Variants in HM13 observed in about 807,000 individuals in gnomAD.
The protein encoded by HM13 is signal peptide peptidase.
In HM13, 18 loss-of-function variants were observed where a neutral mutation model predicts 50.0. The ratio of observed to expected loss-of-function variants is 0.36; its 90% CI spans 0.25 to 0.53. HM13 has a LOEUF of 0.53. HM13 is among the 20% of genes least tolerant of loss of function. The pLI is 0.90. For missense variants in HM13, 393 were observed against 552.4 expected, an observed-to-expected ratio of 0.71 and a Z score of 2.89; for synonymous variants, 197 against 232.6, an observed-to-expected ratio of 0.85 and a Z score of 1.39.
In HM13 at chr20:31,527,408, A is replaced by G. The variant is rs1258202610; in HGVS notation, c.184-76A>G. 6.0e-6 allele frequency: 6 copies of G among 1,002,788 alleles called. No individual in the cohort carries two copies. In the East Asian group the frequency reaches 1.3e-4, roughly 22 times the overall value. 62.1% of individuals were successfully genotyped at this position (1,002,788 alleles called of 1,614,324 possible). ...GGCAGGCAGCATCCCTAGCCAAGGG[A>G]ATAGCATTAGCAGAGCCTTGCAGGA... is the stretch of plus-strand genomic sequence containing the variant. On this transcript the variant is annotated intron_variant, in intron 1 of 12. Transcript: ENST00000398174.
chr20:31,536,657 A>C (rs966457687), intron 2 of HM13, among the ~76,000 whole-genome samples: 1 of 152,006 alleles, frequency 6.6e-6, no homozygotes, highest in African/African-American at 2.4e-5. Flanking sequence ...CTTTCCTGAC[A>C]CTGTCCCCAT....
chr20:31,560,720 C>A (rs191857798), intron 9 of HM13, among the ~76,000 whole-genome samples: 207 of 152,308 alleles, frequency 1.4e-3, no homozygotes, highest in Non-Finnish European at 2.4e-3. Flanking sequence ...AGCCTGGGCT[C>A]ACAGCATAAG....
chr20:31,545,611 G>T (rs6059906), intron 4 of HM13, among the ~76,000 whole-genome samples: 47,242 of 152,072 alleles, frequency 0.31, 12,162 homozygotes, highest in African/African-American at 0.71. Context: ...CAAAAAAATT[G>T]TAAAAAAATG....
chr20:31,531,396 G>T (rs993660746), intron 2 of HM13, among the ~76,000 whole-genome samples: 1 of 146,494 alleles, frequency 6.8e-6, no homozygotes, highest in Admixed American at 6.8e-5. Flanking sequence ...TTTTGGATCG[G>T]AATTTTTTTT....
chr20:31,538,165 T>A lies in HM13; in HGVS notation c.283-14T>A, dbSNP rs1275521855. 6.8e-6 allele frequency: 11 copies of A among 1,613,262 alleles called. No homozygotes were observed. The highest frequency in any genetic ancestry group is 8.5e-6 in the Non-Finnish European group (10 of 1,179,534). Reference sequence around the variant, plus strand: ...AACCCTAACTTCCTGTTTCTCTTTGTATTTCTGCCTCAGATATTCTCCCAG... The same window carrying A: ...AACCCTAACTTCCTGTTTCTCTTTGAATTTCTGCCTCAGATATTCTCCCAG... On this transcript the variant is annotated splice_polypyrimidine_tract_variant and intron_variant, in intron 2 of 12. Transcript: ENST00000398174.
At chr20:31,558,763 G>T (rs149701408) in intron 8 of HM13, among the ~76,000 whole-genome samples, 8 of 151,894 alleles carry the variant, frequency 5.3e-5, no homozygotes, top group Non-Finnish European at 1.2e-4. Context: ...TCACTCTGTC[G>T]TCCAGGCTGG....
intron 6 of HM13, 124 bp downstream of exon 6, chr20:31,549,456 C>A: frequency 8.0e-7 from 1 of 1,245,706 alleles, no homozygotes; most frequent in Non-Finnish European, 1.1e-6. Context: ...AAGTTCCGGA[C>A]CGCAGAGCAA....
intron 2 of HM13, chr20:31,535,618 A>G (rs1261062792): frequency 6.6e-6 from 1 of 152,248 alleles, no homozygotes; most frequent in Non-Finnish European, 1.5e-5. Context: ...AGCACAATCC[A>G]TATGCCTACA....
chr20:31,548,039 CATATAA>C (rs773650474), intron 4 of HM13: 4 of 1,580,398 alleles, frequency 2.5e-6, no homozygotes, highest in Non-Finnish European at 3.5e-6. Context: ...CACATGAAGA[CATATAA>C]ATGAGCCTCA....
rs1981647279 is a variant in HM13, at chr20:31,514,589, C to T, written c.38C>T (p.Ala13Val). ...SALSDPHNGS[A>V]EAGGPTNSTT... ...CTCAGCGATCCGCATAACGGCAGTG[C>T]CGAGGCAGGCGGCCCCACCAACAGC... The change falls in exon 1 of 13, where the codon GCC becomes GTC. Residue 13 changes from alanine to valine, a missense_variant. This residue lies in a region of HM13 where 214 missense variants were observed against 276.1 expected (regional missense o/e 0.77). Transcript: ENST00000398174. The surrounding 1 kb of genome is among the most constrained non-coding windows in gnomAD (Gnocchi z 4.3). 2.5e-6 allele frequency: 4 copies of T among 1,604,016 alleles called. No individual in the cohort carries two copies. The highest frequency in any genetic ancestry group is 1.7e-4 in the Middle Eastern group (1 of 5,792).
chr20:31,542,954 C>T (rs1216815639), intron 3 of HM13, among the ~76,000 whole-genome samples: 2 of 152,310 alleles, frequency 1.3e-5, no homozygotes, highest in East Asian at 3.9e-4. Context: ...CTTTAACTGT[C>T]ACACTCTGCT....
In HM13 at chr20:31,568,224, T is replaced by G; in HGVS notation, c.1181T>G (p.Ile394Ser). ...CGGCGCCCGCAGAATCCCAGCGCCA[T>G]GTAATGCCCAGCGGGTGCCCACCTG... is the stretch of plus-strand genomic sequence containing the variant. ...RRRRPQNPSA[I>S]YEESNPKDPA... The change falls in exon 12 of 13, where the codon ATT becomes AGT. Residue 394 changes from isoleucine (I) to serine (S), a missense_variant and splice_region_variant. Physicochemically the swap from Ile to Ser is moderately radical, Grantham distance 142. Around this residue, in one of 3 missense-constraint regions of HM13, gnomAD observed 105 missense variants for 115.9 expected, o/e 0.91. Coordinates refer to ENST00000398174, the MANE Select transcript of HM13 (RefSeq NM_178581.3). 1 of 1,612,196 alleles carries G rather than the reference T, an allele frequency of 6.2e-7. No homozygotes were observed. Among genetic ancestry groups the G allele is most frequent in the Non-Finnish European group, 8.5e-7 (1 of 1,179,634 alleles).
At chr20:31,538,530 T>C in intron 3 of HM13, 1 of 1,393,100 alleles carries the variant, frequency 7.2e-7, no homozygotes, top group South Asian at 1.7e-5. Flanking sequence ...AGCAGTAATG[T>C]CATGTTAGTT....
chr20:31,548,889 C>G (rs1983863902), intron 4 of HM13, 140 bp from the exon 5 acceptor site: 1 of 757,736 alleles, frequency 1.3e-6, no homozygotes, highest in Non-Finnish European at 2.3e-6. Context: ...TCATACTAAT[C>G]TGGGGCAGCC....
At chr20:31,538,434 C>T (rs929328385) in intron 3 of HM13, 173 bp downstream of exon 3, 19 of 1,441,504 alleles carry the variant, frequency 1.3e-5, no homozygotes, top group South Asian at 3.0e-5. Flanking sequence ...AGAACAATGA[C>T]CTCTCTGGGC....
chr20:31,565,480 T>G (rs1385586632), intron 10 of HM13, among the ~76,000 whole-genome samples: 1 of 83,692 alleles, frequency 1.2e-5, no homozygotes. Flanking sequence ...AGACTCTGTC[T>G]CAAAAAAAAA....
chr20:31,541,586 C>T (rs1983454240), intron 3 of HM13: 1 of 151,212 alleles, frequency 6.6e-6, no homozygotes, highest in African/African-American at 2.4e-5. Context: ...TGATGGGGAC[C>T]AAAAACTGTC....
intron 3 of HM13, among the ~76,000 whole-genome samples, chr20:31,543,371 T>C (rs1308199516): frequency 6.6e-5 from 10 of 152,210 alleles, no homozygotes; most frequent in African/African-American, 2.4e-4. Flanking sequence ...CTGCAACCTC[T>C]GCCCCCCGGG....
chr20:31,534,358 G>T (rs1982989502), intron 2 of HM13, among the ~76,000 whole-genome samples: 1 of 152,144 alleles, frequency 6.6e-6, no homozygotes. Flanking sequence ...GTAGGGAGAA[G>T]GGGGAGAGGA....
Sources: gnomAD v4.1 joint callset for allele counts (sites outside exome capture counted in the v4.1 genomes callset) on GRCh38, gnomAD v4.1.1 for gene constraint, gnomAD v4.1.1 regional missense constraint, Gnocchi (gnomAD v3.1) non-coding constraint, MANE v1.5 for transcripts, NCBI Gene and HGNC (gene_info 2026-07-23, HGNC 2026-07-21) for gene names.